The following GREB1 variants were observed in gnomAD, a reference collection of about 807,000 sequenced individuals.
The protein encoded by GREB1 is protein GREB1.
In GREB1, 106 loss-of-function variants were observed where a neutral mutation model predicts 200.7. The ratio of observed to expected loss-of-function variants is 0.53; its 90% confidence interval spans 0.45 to 0.62. The LOEUF (loss-of-function observed/expected upper bound fraction) is 0.62. GREB1 is among the 20% of genes least tolerant of loss of function. GREB1 has a pLI of 0.00. For synonymous variants in GREB1, 1,132 were observed against 1,092.4 expected, an observed-to-expected ratio of 1.04 and a Z score of -0.72; for missense variants, 2,243 against 2,556.8, an observed-to-expected ratio of 0.88 and a Z score of 2.65.
chr2:11,581,072 T>C, intron 7 of GREB1: 1 of 655,700 alleles, frequency 1.5e-6, no homozygotes, highest in Non-Finnish European at 2.8e-6. Context: ...GAGACACCTG[T>C]GGTAATGGCG....
At chr2:11,577,630 C>T (rs373909340) in intron 5 of GREB1, among the ~76,000 whole-genome samples, 82 of 152,298 alleles carry the variant, frequency 5.4e-4, no homozygotes, top group African/African-American at 1.7e-3. Flanking sequence ...GGTGTCCCTC[C>T]CTTGTCTGTG....
rs1444899206 is a variant in GREB1, at chr2:11,595,863, C to G, written c.1826-248C>G. ...TTTTCCAGATGGGCTTGGGACCTTC[C>G]CCTTCATCCTTTACCATGTTGTTCT... On this transcript the variant is annotated intron_variant, in intron 12 of 32. Transcript: ENST00000381486. Among the ~76,000 whole-genome samples the G allele has an allele frequency of 3.3e-5, 5 of 152,228 alleles. No homozygotes were observed. The East Asian group carries it at 9.7e-4, about 29-fold the overall frequency.
rs200378961 is a variant in GREB1 at position 11,528,764 on chromosome 2, CT to C, written c.-158-27685del. ...ATAATGTATGTTTGTGAAATTTTTCCTTTTTTTTGCTACCTATAGATGTTTA... is the reference window on the plus strand; with the variant it reads ...ATAATGTATGTTTGTGAAATTTTTCCTTTTTTTGCTACCTATAGATGTTTA... On this transcript the variant is annotated intron_variant, in intron 1 of 2. Transcript: ENST00000628795. Among the ~76,000 whole-genome samples the C allele has an allele frequency of 3.4e-4, 51 of 151,892 alleles. No homozygotes were observed. The Middle Eastern group carries it at 0.014, about 41-fold the overall frequency.
At chr2:11,636,781 GGCACGGGC>G (rs1462962886) in intron 30 of GREB1, among the ~76,000 whole-genome samples, 99 of 141,804 alleles carry the variant, frequency 7.0e-4, no homozygotes, top group South Asian at 2.0e-3. Context: ...CAGGGGCAGG[GGCACGGGC>G]ATGGGCAGGG....
intron 23 of GREB1, among the ~76,000 whole-genome samples, chr2:11,622,356 C>G (rs1247651278): frequency 3.3e-5 from 5 of 152,244 alleles, no homozygotes. Flanking sequence ...TCTGGGATTA[C>G]AGGTGTGAGC....
In GREB1 at chr2:11,578,379, C is replaced by G. The variant is rs771445913; in HGVS notation, c.720C>G (p.Ser240Arg). 1 of 1,614,046 alleles carries G rather than the reference C, an allele frequency of 6.2e-7. No individual in the cohort carries two copies. Among genetic ancestry groups the G allele is most frequent in the Admixed American group, 1.7e-5 (1 of 60,006 alleles). ...TGGAGAGCACGGCTGCCTTCCCCAG[C>G]GAGCCCGTTCCTGGGACGAACCCCA... ...PALESTAAFP[S>R]EPVPGTNPSI... is the part of the protein sequence containing the mutation. Residue 240 changes from serine (S) to arginine (R), a missense_variant, in exon 6 of 33, where the codon AGC becomes AGG. Physicochemically the swap from Ser to Arg is moderately radical, Grantham distance 110. This residue lies in a region of GREB1 where 1,178 missense variants were observed against 1,387.4 expected (regional missense o/e 0.85). Coordinates refer to ENST00000381486, the MANE Select transcript of GREB1 (RefSeq NM_014668.4).
At position 11,620,994 on chromosome 2, in the gene GREB1, G is replaced by T; in HGVS notation, c.4134G>T (p.Glu1378Asp). 6.3e-7 allele frequency: 1 copy of T among 1,599,486 alleles called. No homozygotes were observed. The highest frequency in any genetic ancestry group is 8.6e-7 in the Non-Finnish European group (1 of 1,166,612). Residue 1378 changes from glutamate (E) to aspartate (D), a missense_variant, in exon 23 of 33, where the codon GAG (glutamate) becomes GAT (aspartate). Physicochemically the swap from Glu to Asp is conservative, Grantham distance 45. Transcript: ENST00000381486. ...RLTEVDVYDE[E>D]EININLREES... ...CAGAAGTGGATGTCTATGACGAGGA[G>T]GAGATCAATATCAGTGAGTTATCTG... is the stretch of plus-strand genomic sequence containing the variant.
chr2:11,584,090 C>T (rs1055618634), intron 7 of GREB1, among the ~76,000 whole-genome samples: 2 of 152,086 alleles, frequency 1.3e-5, no homozygotes, highest in African/African-American at 4.8e-5. Flanking sequence ...TATTGGGATG[C>T]CTGGGTCCTG....
At chr2:11,550,198 CAA>C (rs1359515267) in intron 1 of GREB1, among the ~76,000 whole-genome samples, 1 of 152,160 alleles carries the variant, frequency 6.6e-6, no homozygotes, top group East Asian at 1.9e-4. Context: ...GTCTGGGAAA[CAA>C]GAGCGAAACT....
At chr2:11,530,476 G>A (rs1356697306), upstream of GREB1, among the ~76,000 whole-genome samples, 1 of 151,638 alleles carries the variant, frequency 6.6e-6, no homozygotes, top group African/African-American at 2.4e-5. Context: ...GCTGAGGCAG[G>A]GGAATCGCTT....
chr2:11,518,751 A>G (rs1409292594), intron 1 of GREB1, among the ~76,000 whole-genome samples: 2 of 151,936 alleles, frequency 1.3e-5, no homozygotes, highest in Non-Finnish European at 2.9e-5. Flanking sequence ...GAAATACAAA[A>G]AAAAAAAAAA....
chr2:11,545,450 G>A (rs1277128893), intron 1 of GREB1, among the ~76,000 whole-genome samples: 2 of 152,122 alleles, frequency 1.3e-5, no homozygotes, highest in Non-Finnish European at 2.9e-5. Flanking sequence ...ACTTTCTATG[G>A]CAGCTCCCCT....
chr2:11,596,354 G>T, intron 13 of GREB1, 115 bp downstream of exon 13: 1 of 817,132 alleles, frequency 1.2e-6, no homozygotes, highest in Non-Finnish European at 1.9e-6. Flanking sequence ...AGTGTGCACA[G>T]TGAGGGGGCA....
At chr2:11,508,937 C>T (rs974059184) in intron 1 of GREB1, among the ~76,000 whole-genome samples, 5 of 148,400 alleles carry the variant, frequency 3.4e-5, no homozygotes, top group South Asian at 4.3e-4. Flanking sequence ...TGCAGTGGCG[C>T]GATCTCGGCT....
chr2:11,533,329 CA>C (rs1674144623), upstream of GREB1, among the ~76,000 whole-genome samples: 1 of 152,110 alleles, frequency 6.6e-6, no homozygotes, highest in African/African-American at 2.4e-5. Context: ...ACTGAAGTGC[CA>C]GCCACAGTAC....
chr2:11,558,161 G>A (rs1391410720), intron 2 of GREB1, among the ~76,000 whole-genome samples: 2 of 152,236 alleles, frequency 1.3e-5, no homozygotes, highest in Admixed American at 6.5e-5. Flanking sequence ...TTGAGTGACT[G>A]AGCAGCAGTT....
At chr2:11,587,267 TG>T (rs70955805) in intron 9 of GREB1, 97,667 of 796,998 alleles carry the variant, frequency 0.12, 6,770 homozygotes, top group Middle Eastern at 0.16. Context: ...TCCATGAAGT[TG>T]TCTTAGATTC....
At position 11,642,036 on chromosome 2, in the gene GREB1, C is replaced by T. The variant is rs1685845083; in HGVS notation, c.*1582C>T. The T allele has an allele frequency of 6.6e-6, 1 of 152,214 alleles. No homozygotes were observed. Among genetic ancestry groups the T allele is most frequent in the Admixed American group, 6.5e-5 (1 of 15,292 alleles). The allele number at this position is 152,214 out of a possible 1,614,324, so 9.4% of individuals were successfully genotyped here. ...GGTCTCCCTTCTCCCACTTGCCTAC[C>T]CTCAATGCCACACTGTTTTTGAAGT... On this transcript the variant is annotated 3_prime_UTR_variant, in exon 33 of 33. Coordinates refer to ENST00000381486, the MANE Select transcript of GREB1 (RefSeq NM_014668.4).
intron 1 of GREB1, among the ~76,000 whole-genome samples, chr2:11,524,954 C>T (rs570222153): frequency 6.6e-6 from 1 of 152,282 alleles, no homozygotes; most frequent in East Asian, 1.9e-4. Flanking sequence ...CGGCCGTGTT[C>T]TTTTCATCCC....
Sources: allele counts gnomAD v4.1 joint callset (sites outside exome capture counted in the v4.1 genomes callset), GRCh38; gene constraint gnomAD v4.1.1; regional missense constraint gnomAD v4.1.1; transcripts MANE v1.5; gene names NCBI Gene and HGNC (gene_info 2026-07-23, HGNC 2026-07-21).